GOLGA3: variants seen among roughly 807,000 people sequenced by gnomAD.
The protein encoded by GOLGA3 is golgin subfamily A member 3.
GOLGA3 carries 75 observed loss-of-function variants against 169.4 expected under a neutral mutation model. The observed-to-expected ratio is 0.44, with a 90% CI of 0.37 to 0.54. The LOEUF is 0.54. GOLGA3 is among the 20% of genes least tolerant of loss of function. GOLGA3 has a pLI of 0.00. For missense variants in GOLGA3, 1,899 were observed against 1,930.0 expected (o/e 0.98, Z 0.30); for synonymous variants, 824 against 822.4 (o/e 1.00, Z -0.03).
chr12:132,801,108 G>C (rs1949108583), intron 8 of GOLGA3, among the ~76,000 whole-genome samples: 3 of 152,256 alleles, frequency 2.0e-5, no homozygotes. Flanking sequence ...AGCACACGAA[G>C]CAGTTGCTGT....
rs1405264699 is a variant in GOLGA3, at chr12:132,786,774, T to C, written c.2825A>G (p.Asp942Gly). ...METHLQSLQF[D>G]KEQMVAVTEA... is the part of the protein sequence containing the mutation. The stretch of plus-strand genomic sequence containing the variant: ...TGTGACCGCGACCATCTGCTCCTTA[T>C]CGAACTGCAACGACTGTGGAAGGGA... The change falls in exon 14 of 24, where the codon GAT (aspartate) becomes GGT (glycine). Residue 942 changes from aspartate to glycine, a missense_variant. Asp to Gly is a moderately conservative substitution (Grantham distance 94). Coordinates refer to ENST00000450791, the MANE Select transcript of GOLGA3 (RefSeq NM_001389683.1). 2.5e-6 allele frequency: 4 copies of C among 1,611,844 alleles called. No individual in the cohort carries two copies. In the Admixed American group the frequency reaches 6.7e-5, roughly 27 times the overall value.
intron 16 of GOLGA3, chr12:132,783,793 G>T: frequency 2.9e-6 from 2 of 690,342 alleles, no homozygotes; most frequent in Non-Finnish European, 2.1e-6. Flanking sequence ...GGCCAGGCTG[G>T]TCTCGAGCTC....
Position 132,775,141 on chromosome 12 carries a change from C to T in GOLGA3, c.4143G>A (p.Thr1381=), listed in dbSNP as rs780303793. Residue 1381 remains threonine, a splice_region_variant and synonymous_variant, in exon 22 of 24, where the codon ACG becomes ACA. Transcript: ENST00000450791. ...CCGGGAGGGACGCGGGCCTGAGTACCGTCTTGGCCGCGCCGCGGCGTAGGT... is the reference window on the plus strand; with the variant it reads ...CCGGGAGGGACGCGGGCCTGAGTACTGTCTTGGCCGCGCCGCGGCGTAGGT... ...KLDLRRGAAK[T]RKEPKGEASS... The T allele has an allele frequency of 1.9e-6, 3 of 1,612,476 alleles. No individual in the cohort carries two copies. Among genetic ancestry groups the T allele is most frequent in the East Asian group, 2.2e-5 (1 of 44,894 alleles).
chr12:132,784,594 T>C (rs1006286695), intron 15 of GOLGA3, among the ~76,000 whole-genome samples: 1 of 152,316 alleles, frequency 6.6e-6, no homozygotes, highest in Non-Finnish European at 1.5e-5. Flanking sequence ...TAAATCACCA[T>C]CTGTGGCAAG....
At chr12:132,806,675 C>T (rs1949421740) in intron 6 of GOLGA3, among the ~76,000 whole-genome samples, 3 of 152,124 alleles carry the variant, frequency 2.0e-5, no homozygotes, top group Admixed American at 6.5e-5. Flanking sequence ...ACTCAACTGC[C>T]GACAGAAGAT....
intron 3 of GOLGA3, among the ~76,000 whole-genome samples, chr12:132,814,392 G>A (rs970285574): frequency 1.3e-5 from 2 of 152,194 alleles, no homozygotes; most frequent in African/African-American, 4.8e-5. Context: ...TCTGAGGCAG[G>A]CTCAGCTCTC....
rs530763752 is a variant in GOLGA3, at chr12:132,796,097, C to T, written c.2224G>A (p.Ala742Thr). The T allele has an allele frequency of 3.5e-5, 57 of 1,613,064 alleles. 1 individual carries two copies. The South Asian group carries it at 5.6e-4, about 16-fold the overall frequency. ...ALQSREQSLD[A>T]LQTHYDELQA... ...AGCTCATCGTAGTGTGTCTGCAGGG[C>T]ATCGAGGGACTGCTCCCTGCTCTGC... is the stretch of plus-strand genomic sequence containing the variant. Residue 742 changes from alanine (A) to threonine (T), a missense_variant, in exon 11 of 24, where the codon GCC (alanine) becomes ACC (threonine). Ala to Thr is a moderately conservative substitution (Grantham distance 58, BLOSUM62 0). Coordinates refer to ENST00000450791, the MANE Select transcript of GOLGA3 (RefSeq NM_001389683.1).
At chr12:132,780,046 C>T (rs1188891650) in intron 18 of GOLGA3, among the ~76,000 whole-genome samples, 1 of 147,956 alleles carries the variant, frequency 6.8e-6, no homozygotes, top group Admixed American at 6.7e-5. Context: ...CGGACACCCC[C>T]CCGCGCACAT....
intron 11 of GOLGA3, among the ~76,000 whole-genome samples, chr12:132,794,671 G>A (rs140092275): frequency 6.6e-6 from 1 of 152,338 alleles, no homozygotes; most frequent in East Asian, 1.9e-4. Context: ...GGTATCAGCT[G>A]TTTCTTACTG....
chr12:132,799,107 C>T (rs187159692), intron 8 of GOLGA3, among the ~76,000 whole-genome samples: 131 of 152,338 alleles, frequency 8.6e-4, no homozygotes, highest in Admixed American at 1.4e-3. Context: ...TAGCTCCATG[C>T]TGCTTCCTGG....
Position 132,777,212 on chromosome 12 carries a change from G to A in GOLGA3, c.3723-122C>T, listed in dbSNP as rs1465964048. On this transcript the variant is annotated intron_variant, in intron 19 of 23. Transcript: ENST00000450791. The surrounding 1 kb of genome is among the most constrained non-coding windows in gnomAD (Gnocchi z 4.7). ...TGGCAGGCCCTCTGCTGTGCACTGC[G>A]TGCTGCAGCCATGCTTGGTGCCCAC... 17 of 1,052,108 alleles carry A rather than the reference G, an allele frequency of 1.6e-5. No homozygotes were observed. The highest frequency in any genetic ancestry group is 2.5e-5 in the East Asian group (1 of 40,386). 65.2% of individuals were successfully genotyped at this position (1,052,108 alleles called of 1,614,324 possible). A position where few individuals can be genotyped will look rare whatever the true frequency, so the allele number is the denominator to read the frequency against.
At chr12:132,795,801 T>A (rs1337280463) in intron 11 of GOLGA3, 51 bp downstream of exon 11, 1 of 1,541,346 alleles carries the variant, frequency 6.5e-7, no homozygotes. Flanking sequence ...ATCAGCATCA[T>A]TCCTGCAAGG....
Position 132,804,048 on chromosome 12 carries a change from TGA to T in GOLGA3, c.1597+666_1597+667del, listed in dbSNP as rs978381826. On this transcript the variant is annotated intron_variant, in intron 7 of 23. Coordinates refer to ENST00000450791, the MANE Select transcript of GOLGA3 (RefSeq NM_001389683.1). The surrounding 1 kb of genome is among the most constrained non-coding windows in gnomAD (Gnocchi z 4.1). Reference sequence around the variant, plus strand: ...CTCTGGGACTGGCCCGGGCGGGGACTGAGGGGGTGGAAGGCGTGCTGCCAAGC... The same window carrying T: ...CTCTGGGACTGGCCCGGGCGGGGACTGGGGGTGGAAGGCGTGCTGCCAAGC... Among the ~76,000 whole-genome samples, 1 of 152,218 alleles carries T rather than the reference TGA, an allele frequency of 6.6e-6. No individual in the cohort carries two copies. Among genetic ancestry groups the T allele is most frequent in the Non-Finnish European group, 1.5e-5 (1 of 67,998 alleles).
intron 18 of GOLGA3, among the ~76,000 whole-genome samples, chr12:132,778,346 G>A (rs1250479253): frequency 3.9e-5 from 6 of 152,022 alleles, no homozygotes; most frequent in Admixed American, 6.5e-5. Flanking sequence ...AGGCCGAGGC[G>A]GGTGGATCAC....
In GOLGA3 at chr12:132,773,074, G is replaced by A. The variant is rs200698266; in HGVS notation, c.*31C>T. ...ATAACATTGATAAGAGCCTTCTGGGGCAGCGGCGCACGGAGGCGAGTCCAC... is the reference window on the plus strand; with the variant it reads ...ATAACATTGATAAGAGCCTTCTGGGACAGCGGCGCACGGAGGCGAGTCCAC... On this transcript the variant is annotated 3_prime_UTR_variant, in exon 24 of 24. Coordinates refer to ENST00000450791, the MANE Select transcript of GOLGA3 (RefSeq NM_001389683.1). 1.1e-5 allele frequency: 16 copies of A among 1,424,116 alleles called. No individual in the cohort carries two copies. The highest frequency in any genetic ancestry group is 1.5e-5 in the African/African-American group (1 of 68,448). The allele number at this position is 1,424,116 out of a possible 1,614,324, so 88.2% of individuals were successfully genotyped here.
rs1326413186 is a variant in GOLGA3, at chr12:132,773,310, G to C, written c.4308-16C>G. Reference sequence around the variant, plus strand: ...CATCTCCTGCCTGGGACAGAAGAAGGAGGAAGAAGGCCCAGATCACACAAG... The same window carrying C: ...CATCTCCTGCCTGGGACAGAAGAAGCAGGAAGAAGGCCCAGATCACACAAG... On this transcript the variant is annotated splice_polypyrimidine_tract_variant and intron_variant, in intron 23 of 23. Transcript: ENST00000450791. 9 of 1,353,894 alleles carry C rather than the reference G, an allele frequency of 6.6e-6. No individual in the cohort carries two copies. Among genetic ancestry groups the C allele is most frequent in the African/African-American group, 1.5e-5 (1 of 65,982 alleles). The allele number at this position is 1,353,894 out of a possible 1,614,324, so 83.9% of individuals were successfully genotyped here. A position where few individuals can be genotyped will look rare whatever the true frequency, so the allele number is the denominator to read the frequency against.
In GOLGA3 at chr12:132,777,987, G is replaced by A. The variant is rs1056155560; in HGVS notation, c.3583-182C>T. Among the ~76,000 whole-genome samples the A allele has an allele frequency of 3.3e-5, 5 of 152,248 alleles. No individual in the cohort carries two copies. Among genetic ancestry groups the A allele is most frequent in the Admixed American group, 2.0e-4 (3 of 15,290 alleles). On this transcript the variant is annotated intron_variant, in intron 18 of 23. Coordinates refer to ENST00000450791, the MANE Select transcript of GOLGA3 (RefSeq NM_001389683.1). This position sits in a 1 kb window ranked among gnomAD's most constrained non-coding sequence, Gnocchi z 4.7. ...AACCACCTGACCCGGAGCTCGGCAC[G>A]CAGCAAGTGCACACTTATGTGGCTG...
At position 132,777,000 on chromosome 12, in the gene GOLGA3, C is replaced by G. The variant is rs1020404836; in HGVS notation, c.3813G>C (p.Gln1271His). 1 of 1,610,390 alleles carries G rather than the reference C, an allele frequency of 6.2e-7. No homozygotes were observed. Among genetic ancestry groups the G allele is most frequent in the African/African-American group, 1.3e-5 (1 of 74,776 alleles). The change falls in exon 20 of 24, where the codon CAG becomes CAC. Residue 1271 changes from glutamine (Q) to histidine (H), a missense_variant. Gln to His is a conservative substitution (Grantham distance 24). Coordinates refer to ENST00000450791, the MANE Select transcript of GOLGA3 (RefSeq NM_001389683.1). ...ARAQLQLLQKQLDEQLSKQPV... is the reference protein window; with the variant it reads ...ARAQLQLLQKHLDEQLSKQPV... ...GCTGTTTGCTGAGCTGCTCGTCCAGCTGCTTCTGCAGGAGCTGGAGCTGTG... is the reference window on the plus strand; with the variant it reads ...GCTGTTTGCTGAGCTGCTCGTCCAGGTGCTTCTGCAGGAGCTGGAGCTGTG...
At chr12:132,820,453 G>GGCC (rs1950159703) in intron 2 of GOLGA3, among the ~76,000 whole-genome samples, 1 of 152,188 alleles carries the variant, frequency 6.6e-6, no homozygotes, top group African/African-American at 2.4e-5. Flanking sequence ...CAGGTTCCAC[G>GGCC]GCCGCGGGTC....
Sources: gnomAD v4.1 joint callset for allele counts (sites outside exome capture counted in the v4.1 genomes callset) on GRCh38, gnomAD v4.1.1 for gene constraint, Gnocchi (gnomAD v3.1) non-coding constraint, MANE v1.5 for transcripts, NCBI Gene and HGNC (gene_info 2026-07-23, HGNC 2026-07-21) for gene names.